Variants in AIG1 observed in about 807,000 individuals in gnomAD.
AIG1 encodes androgen-induced gene 1 protein.
A neutral mutation model predicts 31.4 loss-of-function variants in AIG1; 23 were observed. That is an observed-to-expected ratio of 0.73 (90% CI 0.53 to 1.04). The LOEUF is 1.04. Ranked by LOEUF, AIG1 falls within the 50% of genes least tolerant of loss-of-function variation. The pLI is 0.00. For missense variants in AIG1, 274 were observed against 295.0 expected, an observed-to-expected ratio of 0.93 and a Z score of 0.52; for synonymous variants, 100 against 110.5, an observed-to-expected ratio of 0.90 and a Z score of 0.60.
At chr6:143,226,730 G>T (rs537357338) in intron 3 of AIG1, among the ~76,000 whole-genome samples, 31 of 152,204 alleles carry the variant, frequency 2.0e-4, no homozygotes, top group African/African-American at 6.5e-4. Context: ...GCATAATTTT[G>T]TGAAAATTGT....
At chr6:143,216,207 G>T (rs984684756) in intron 3 of AIG1, among the ~76,000 whole-genome samples, 5 of 152,052 alleles carry the variant, frequency 3.3e-5, no homozygotes, top group Non-Finnish European at 5.9e-5. Context: ...TCCCTTAATT[G>T]ATCCTTATTT....
At chr6:143,253,567 G>A (rs1474793072) in intron 3 of AIG1, among the ~76,000 whole-genome samples, 2 of 152,166 alleles carry the variant, frequency 1.3e-5, no homozygotes, top group African/African-American at 2.4e-5. Context: ...TTCCCACAGT[G>A]CATATAAATA....
intron 3 of AIG1, among the ~76,000 whole-genome samples, chr6:143,179,404 C>A (rs1229959655): frequency 6.6e-6 from 1 of 152,188 alleles, no homozygotes. Flanking sequence ...TAGGAATCTA[C>A]AGCCCAGGAC....
chr6:143,340,676 A>G lies in AIG1; in HGVS notation c.*1000A>G, dbSNP rs957842760. Among the ~76,000 whole-genome samples the G allele has an allele frequency of 1.3e-5, 2 of 151,860 alleles. No individual in the cohort carries two copies. The highest frequency in any genetic ancestry group is 1.3e-4 in the Admixed American group (2 of 15,240). ...ACGGGGTTTCACCTTGTTAGCCAGG[A>G]TGGTCTCGATCTCCTGACCTTGTGA... is the stretch of plus-strand genomic sequence containing the variant. On this transcript the variant is annotated 3_prime_UTR_variant, in exon 6 of 6. Transcript: ENST00000357847.
At chr6:143,189,719 C>T in intron 3 of AIG1, 3 of 985,306 alleles carry the variant, frequency 3.0e-6, no homozygotes, top group Non-Finnish European at 3.6e-6. Flanking sequence ...CACAATTTCC[C>T]TCAAAACCCT....
chr6:143,174,355 C>T (rs1787929079), intron 3 of AIG1, among the ~76,000 whole-genome samples: 1 of 151,952 alleles, frequency 6.6e-6, no homozygotes, highest in Non-Finnish European at 1.5e-5. Context: ...GGCGTGGTGG[C>T]AGGCACCTGT....
intron 1 of AIG1, among the ~76,000 whole-genome samples, chr6:143,131,407 T>C (rs1783223153): frequency 6.6e-6 from 1 of 152,242 alleles, no homozygotes; most frequent in Admixed American, 6.5e-5. Context: ...TTCATTGTGT[T>C]ATGATATATG....
At chr6:143,307,753 GTCTGCAGAGGT>G (rs1272759959) in intron 4 of AIG1, among the ~76,000 whole-genome samples, 1 of 152,188 alleles carries the variant, frequency 6.6e-6, no homozygotes, top group Non-Finnish European at 1.5e-5. Context: ...GGACATTTAA[GTCTGCAGAGGT>G]TACTGCTGTC....
At chr6:143,185,797 T>G (rs1205202006) in intron 3 of AIG1, among the ~76,000 whole-genome samples, 1 of 152,222 alleles carries the variant, frequency 6.6e-6, no homozygotes, top group African/African-American at 2.4e-5. Flanking sequence ...GTTGAGGGAA[T>G]GAACTTCTAT....
chr6:143,188,339 C>T (rs1423875254), intron 3 of AIG1: 3 of 985,594 alleles, frequency 3.0e-6, no homozygotes, highest in Non-Finnish European at 3.6e-6. Context: ...TTTTACTGAG[C>T]GATGTATTTA....
In AIG1 at chr6:143,334,088, T is replaced by A; in HGVS notation, c.679+643T>A. On this transcript the variant is annotated intron_variant, in intron 5 of 5. Transcript: ENST00000357847. This position sits in a 1 kb window ranked among gnomAD's most constrained non-coding sequence, Gnocchi z 5.1. ...TTCCATTTATGGCAGAGCCTCCATC[T>A]TGGCAAGGCACGTAATCTTATCCAA... The A allele has an allele frequency of 1.9e-6, 3 of 1,550,540 alleles. No homozygotes were observed. Among genetic ancestry groups the A allele is most frequent in the Non-Finnish European group, 2.6e-6 (3 of 1,146,952 alleles).
In AIG1 at chr6:143,165,106, A is replaced by T; in HGVS notation, c.322A>T (p.Ile108Phe). 2 of 1,613,514 alleles carry T rather than the reference A, an allele frequency of 1.2e-6. No individual in the cohort carries two copies. The highest frequency in any genetic ancestry group is 1.7e-6 in the Non-Finnish European group (2 of 1,179,500). ...GVFVVAVFWI[I>F]YAYDREMIYP... ...GTTTGTTGTAGCAGTGTTCTGGATC[A>T]TTTATGCCTATGACAGAGAGATGAT... The change falls in exon 3 of 6, where the codon ATT (isoleucine) becomes TTT (phenylalanine). Residue 108 changes from isoleucine to phenylalanine, a missense_variant. Physicochemically the swap from Ile to Phe is conservative, Grantham distance 21 (BLOSUM62 0). Transcript: ENST00000357847.
At chr6:143,081,780 G>A (rs1385282221) in intron 1 of AIG1, among the ~76,000 whole-genome samples, 1 of 152,140 alleles carries the variant, frequency 6.6e-6, no homozygotes, top group Non-Finnish European at 1.5e-5. Flanking sequence ...CCTGAGGAGA[G>A]GAAACTATGT....
At chr6:143,149,532 C>CAAAA (rs71767812) in intron 2 of AIG1, among the ~76,000 whole-genome samples, 520 of 36,828 alleles carry the variant, frequency 0.014, no homozygotes, top group Non-Finnish European at 0.02. Context: ...GACTCTGTCT[C>CAAAA]AAAAAAAAAA....
chr6:143,141,509 T>C (rs747663367), intron 2 of AIG1, among the ~76,000 whole-genome samples: 60 of 152,328 alleles, frequency 3.9e-4, no homozygotes, highest in South Asian at 8.3e-4. Context: ...CAGCATAACC[T>C]AGAAGAAATC....
rs1777026420 is a variant in AIG1 at position 143,330,963 on chromosome 6, TC to T, written c.516-2318del. ...ATTTCTGCGGATTCTCACAACTGCT[TC>T]AGCTTTTCTAACAGAATCTTTGGAC... On this transcript the variant is annotated intron_variant, in intron 4 of 5. Transcript: ENST00000357847. The surrounding 1 kb of genome is among the most constrained non-coding windows in gnomAD (Gnocchi z 4.4). Among the ~76,000 whole-genome samples, 1 of 152,202 alleles carries T rather than the reference TC, an allele frequency of 6.6e-6. No homozygotes were observed. The highest frequency in any genetic ancestry group is 1.5e-5 in the Non-Finnish European group (1 of 68,038).
chr6:143,145,253 G>A (rs1351054687), intron 2 of AIG1, among the ~76,000 whole-genome samples: 1 of 152,130 alleles, frequency 6.6e-6, no homozygotes, highest in Non-Finnish European at 1.5e-5. Context: ...TCAAACTCCT[G>A]AGCTCAAGCG....
At chr6:143,115,039 C>T (rs1245198428) in intron 1 of AIG1, among the ~76,000 whole-genome samples, 1 of 152,174 alleles carries the variant, frequency 6.6e-6, no homozygotes, top group Non-Finnish European at 1.5e-5. Flanking sequence ...AAGTTGCTAA[C>T]CATTATTCAA....
intron 3 of AIG1, among the ~76,000 whole-genome samples, chr6:143,228,214 C>T (rs1157519902): frequency 1.3e-5 from 2 of 152,178 alleles, no homozygotes; most frequent in Non-Finnish European, 2.9e-5. Flanking sequence ...TTGGTTCTCT[C>T]ATAGTTTACT....
Sources: gnomAD v4.1 joint callset for allele counts (sites outside exome capture counted in the v4.1 genomes callset) on GRCh38, gnomAD v4.1.1 for gene constraint, Gnocchi (gnomAD v3.1) non-coding constraint, MANE v1.5 for transcripts, NCBI Gene and HGNC (gene_info 2026-07-23, HGNC 2026-07-21) for gene names.